The following PWWP3A variants were observed in gnomAD, a reference collection of about 807,000 sequenced individuals.
The protein encoded by PWWP3A is PWWP domain-containing DNA repair factor 3A.
A neutral mutation model predicts 79.0 loss-of-function variants in PWWP3A; 53 were observed. The ratio of observed to expected loss-of-function variants is 0.67; its 90% CI spans 0.54 to 0.84. The LOEUF is 0.84. PWWP3A is among the 40% of genes least tolerant of loss of function. The pLI, the probability that PWWP3A is intolerant of heterozygous loss-of-function variation, is 0.00. For synonymous variants in PWWP3A, 443 were observed against 394.4 expected, an observed-to-expected ratio of 1.12 and a Z score of -1.46; for missense variants, 973 against 948.0, an observed-to-expected ratio of 1.03 and a Z score of -0.35.
rs139291622 is a variant in PWWP3A at position 1,376,842 on chromosome 19, C to T, written c.*266C>T. ...CGTTCGGGAAAGGCTTTTGAAAGGA[C>T]GGAAGCGTATTCACTGTGCGCCAGT... On this transcript the variant is annotated 3_prime_UTR_variant, in exon 14 of 14. Coordinates refer to ENST00000591337, the MANE Select transcript of PWWP3A (RefSeq NM_001369789.1). 7.9e-3 allele frequency: 3,116 copies of T among 393,158 alleles called. 18 individuals carry two copies. Among genetic ancestry groups the T allele is most frequent in the Non-Finnish European group, 0.012 (2,565 of 217,150 alleles). The allele number at this position is 393,158 out of a possible 1,614,324, so 24.4% of individuals were successfully genotyped here.
At position 1,366,388 on chromosome 19, in the gene PWWP3A, C is replaced by A; in HGVS notation, c.1361+7C>A. On this transcript the variant is annotated splice_region_variant and intron_variant, in intron 8 of 13. Coordinates refer to ENST00000591337, the MANE Select transcript of PWWP3A (RefSeq NM_001369789.1). ...TGAACCCGAAAATGAAAGGGTAACC[C>A]GCTGTTCTTGGTTTCTGTGAATGGG... is the stretch of plus-strand genomic sequence containing the variant. The A allele has an allele frequency of 6.2e-7, 1 of 1,613,730 alleles. No homozygotes were observed. Among genetic ancestry groups the A allele is most frequent in the East Asian group, 2.2e-5 (1 of 44,896 alleles).
rs530834108 is a variant in PWWP3A at position 1,362,297 on chromosome 19, A to C, written c.1159A>C (p.Ile387Leu). ...ESMGSNSMRSILEEDEEDEEP... is the reference protein window; with the variant it reads ...ESMGSNSMRSLLEEDEEDEEP... ...CATGGGGTCTAATTCCATGCGTTCT[A>C]TCCTGGAGGAAGACGAGGAAGACGA... is the stretch of plus-strand genomic sequence containing the variant. Residue 387 changes from isoleucine to leucine, a missense_variant, in exon 6 of 14, where the codon ATC becomes CTC. Coordinates refer to ENST00000591337, the MANE Select transcript of PWWP3A (RefSeq NM_001369789.1). 8.7e-6 allele frequency: 14 copies of C among 1,614,120 alleles called. No individual in the cohort carries two copies. The South Asian group carries it at 1.2e-4, about 14-fold the overall frequency.
intron 7 of PWWP3A, among the ~76,000 whole-genome samples, chr19:1,365,302 C>A (rs2144728754): frequency 6.6e-6 from 1 of 152,360 alleles, no homozygotes; most frequent in African/African-American, 2.4e-5. Flanking sequence ...GGGGCAGATT[C>A]TCTGCTTCTG....
Position 1,369,016 on chromosome 19 carries a change from A to G in PWWP3A, c.1423-249A>G. ...ACCTGCGTTCAGATCAGCCCAAGCC[A>G]TCGGGTCCCCGGTGCCCACCATTTG... On this transcript the variant is annotated intron_variant, in intron 9 of 13. Transcript: ENST00000591337. The surrounding 1 kb of genome is among the most constrained non-coding windows in gnomAD (Gnocchi z 4.0). The G allele has an allele frequency of 6.6e-6, 3 of 457,748 alleles. No homozygotes were observed. The highest frequency in any genetic ancestry group is 2.1e-5 in the South Asian group (1 of 47,916). 28.4% of individuals were successfully genotyped at this position (457,748 alleles called of 1,614,324 possible).
rs561423634 is a variant in PWWP3A, at chr19:1,369,147, C to T, written c.1423-118C>T. The T allele has an allele frequency of 4.8e-5, 40 of 841,982 alleles. No individual in the cohort carries two copies. The highest frequency in any genetic ancestry group is 7.7e-5 in the South Asian group (5 of 65,348). The allele number at this position is 841,982 out of a possible 1,614,324, so 52.2% of individuals were successfully genotyped here. A position where few individuals can be genotyped will look rare whatever the true frequency, so the allele number is the denominator to read the frequency against. On this transcript the variant is annotated intron_variant, in intron 9 of 13. Transcript: ENST00000591337. This position sits in a 1 kb window ranked among gnomAD's most constrained non-coding sequence, Gnocchi z 4.0. ...CCTTTGTCAGGGAGGGTCAGAGGTG[C>T]GGGCTGGAGCGTGAGCAGCCTGGAC...
At chr19:1,359,969 G>A (rs193118388) in intron 4 of PWWP3A, 167 bp from the exon 5 acceptor site, 24 of 656,586 alleles carry the variant, frequency 3.7e-5, no homozygotes, top group Middle Eastern at 4.1e-4. Flanking sequence ...CTGTAGCCTC[G>A]TCTCCTTTTT....
Position 1,354,984 on chromosome 19 carries a change from AGCGGCGGCG to A in PWWP3A, c.-204_-196del, listed in dbSNP as rs371221738. ...AAGCCCCGCCCCCGGCCCCGCGGGG[AGCGGCGGCG>A]GCGGCGGCGGCGGCGGTGGCGGAGG... is the stretch of plus-strand genomic sequence containing the variant. On this transcript the variant is annotated 5_prime_UTR_variant, in exon 1 of 14. Transcript: ENST00000591337. 1.2e-4 allele frequency: 17 copies of A among 147,764 alleles called. No individual in the cohort carries two copies. Among genetic ancestry groups the A allele is most frequent in the Non-Finnish European group, 2.1e-4 (14 of 66,844 alleles). The allele number at this position is 147,764 out of a possible 1,614,324, so 9.2% of individuals were successfully genotyped here. A position where few individuals can be genotyped will look rare whatever the true frequency, so the allele number is the denominator to read the frequency against.
chr19:1,357,403 T>TTTA, intron 3 of PWWP3A: 1 of 167,310 alleles, frequency 6.0e-6, no homozygotes, highest in East Asian at 1.4e-4. Context: ...TATTTCCTTT[T>TTTA]TTTTTTTTTT....
chr19:1,360,611 T>A lies in PWWP3A; in HGVS notation c.690T>A (p.Asn230Lys). Reference sequence around the variant, plus strand: ...CGCAGAAGGCTAGCTTGTGCCTGAATGGATCTTCCCTTTCAGAGGACGACA... The same window carrying A: ...CGCAGAAGGCTAGCTTGTGCCTGAAAGGATCTTCCCTTTCAGAGGACGACA... ...NSAQKASLCL[N>K]GSSLSEDDTE... The change falls in exon 5 of 14, where the codon AAT becomes AAA. Residue 230 changes from asparagine (N) to lysine (K), a missense_variant. By Grantham distance (94) the Asn-to-Lys change is moderately conservative. Transcript: ENST00000591337. The surrounding 1 kb of genome is among the most constrained non-coding windows in gnomAD (Gnocchi z 4.4). The A allele has an allele frequency of 6.2e-7, 1 of 1,614,126 alleles. No homozygotes were observed. Among genetic ancestry groups the A allele is most frequent in the Non-Finnish European group, 8.5e-7 (1 of 1,179,982 alleles).
intron 13 of PWWP3A, among the ~76,000 whole-genome samples, chr19:1,374,841 A>G (rs2082331689): frequency 6.6e-6 from 1 of 152,108 alleles, no homozygotes; most frequent in Non-Finnish European, 1.5e-5. Flanking sequence ...CAGGAGTTTG[A>G]GGCTGTAGTG....
In PWWP3A at chr19:1,376,522, A is replaced by G; in HGVS notation, c.2079A>G (p.Glu693=). ...TGAAGACTCTTGTTTTCTGAAGGGA[A>G]AAAGAAATATTTGACAACCAGCTCC... ...YIKGPSLSYR[E]KEIFDNQLLE... Residue 693 remains glutamate (E), a synonymous_variant, in exon 14 of 14, where the codon GAA becomes GAG. Coordinates refer to ENST00000591337, the MANE Select transcript of PWWP3A (RefSeq NM_001369789.1). 1.2e-6 allele frequency: 2 copies of G among 1,613,214 alleles called. No individual in the cohort carries two copies. Among genetic ancestry groups the G allele is most frequent in the Middle Eastern group, 1.7e-4 (1 of 6,054 alleles).
In PWWP3A at chr19:1,370,724, C is replaced by A; in HGVS notation, c.1632C>A (p.Pro544=). The A allele has an allele frequency of 6.8e-7, 1 of 1,469,050 alleles. No individual in the cohort carries two copies. Among genetic ancestry groups the A allele is most frequent in the African/African-American group, 1.4e-5 (1 of 70,528 alleles). The allele number at this position is 1,469,050 out of a possible 1,614,324, so 91.0% of individuals were successfully genotyped here. A position where few individuals can be genotyped will look rare whatever the true frequency, so the allele number is the denominator to read the frequency against. The change falls in exon 12 of 14, where the codon CCC becomes CCA. Residue 544 remains proline, a synonymous_variant. Coordinates refer to ENST00000591337, the MANE Select transcript of PWWP3A (RefSeq NM_001369789.1). ...PQLSKGSPEE[P]VVGCPLGQRQ... is the part of the protein sequence containing the mutation. ...TGAGCAAGGGGAGCCCCGAGGAGCC[C>A]GTGGTGGGGTGCCCCCTGGGGCAGA... is the stretch of plus-strand genomic sequence containing the variant.
At chr19:1,359,874 A>T (rs1216823083) in intron 4 of PWWP3A, 3 of 332,840 alleles carry the variant, frequency 9.0e-6, no homozygotes. Context: ...GGAGGAATTT[A>T]TCTTTTTAGC....
rs1170724956 is a variant in PWWP3A at position 1,375,663 on chromosome 19, A to G, written c.2076-856A>G. Among the ~76,000 whole-genome samples the G allele has an allele frequency of 3.6e-5, 5 of 139,296 alleles. No individual in the cohort carries two copies. The East Asian group carries it at 7.9e-4, about 22-fold the overall frequency. 91.4% of individuals were successfully genotyped at this position (139,296 alleles called of 152,430 possible). ...TATAATATATAATTGTATATATTAT[A>G]TATAAAATGTACAATTTTATAATAT... On this transcript the variant is annotated intron_variant, in intron 13 of 13. Transcript: ENST00000591337.
chr19:1,362,387 G>A (rs755383986), intron 6 of PWWP3A, 36 bp downstream of exon 6: 39 of 1,569,208 alleles, frequency 2.5e-5, no homozygotes, highest in Admixed American at 2.4e-4. Flanking sequence ...CAGTCCTAAC[G>A]GTGCGCTCAG....
chr19:1,365,249 G>A (rs961048157), intron 7 of PWWP3A, among the ~76,000 whole-genome samples: 4 of 152,262 alleles, frequency 2.6e-5, no homozygotes, highest in South Asian at 2.1e-4. Flanking sequence ...ACAGGAATTC[G>A]AAATCCTGTC....
rs2081992513 is a variant in PWWP3A, at chr19:1,360,714, T to C, written c.793T>C (p.Cys265Arg). 2 of 1,613,430 alleles carry C rather than the reference T, an allele frequency of 1.2e-6. No individual in the cohort carries two copies. Among genetic ancestry groups the C allele is most frequent in the African/African-American group, 2.7e-5 (2 of 75,058 alleles). Residue 265 changes from cysteine (C) to arginine (R), a missense_variant, in exon 5 of 14, where the codon TGT becomes CGT. Transcript: ENST00000591337. The surrounding 1 kb of genome is among the most constrained non-coding windows in gnomAD (Gnocchi z 4.4). ...LPSGVREDDP[C>R]ANAEGHDPGL... ...CTCCGGGGTCAGGGAGGACGATCCC[T>C]GTGCCAACGCTGAGGGACACGACCC...
Position 1,369,064 on chromosome 19 carries a change from T to G in PWWP3A, c.1423-201T>G, listed in dbSNP as rs2082193901. Reference sequence around the variant, plus strand: ...TTGAGCAGCTCAGGGCCCAGACCTGTGCCTGGTGCGTTTCCCATTTACCAG... The same window carrying G: ...TTGAGCAGCTCAGGGCCCAGACCTGGGCCTGGTGCGTTTCCCATTTACCAG... On this transcript the variant is annotated intron_variant, in intron 9 of 13. Coordinates refer to ENST00000591337, the MANE Select transcript of PWWP3A (RefSeq NM_001369789.1). The surrounding 1 kb of genome is among the most constrained non-coding windows in gnomAD (Gnocchi z 4.0). The G allele has an allele frequency of 7.0e-6, 4 of 567,832 alleles. No individual in the cohort carries two copies. Among genetic ancestry groups the G allele is most frequent in the Non-Finnish European group, 1.3e-5 (4 of 314,058 alleles). The allele number at this position is 567,832 out of a possible 1,614,324, so 35.2% of individuals were successfully genotyped here. A position where few individuals can be genotyped will look rare whatever the true frequency, so the allele number is the denominator to read the frequency against.
intron 4 of PWWP3A, 61 bp downstream of exon 4, chr19:1,358,525 A>C: frequency 6.2e-7 from 1 of 1,606,688 alleles, no homozygotes. Flanking sequence ...ATTTGGGAGA[A>C]TGTGAAGGCT....
Sources: gnomAD v4.1 joint callset for allele counts (sites outside exome capture counted in the v4.1 genomes callset) on GRCh38, gnomAD v4.1.1 for gene constraint, Gnocchi (gnomAD v3.1) non-coding constraint, MANE v1.5 for transcripts, NCBI Gene and HGNC (gene_info 2026-07-23, HGNC 2026-07-21) for gene names.